CCDC7: variants seen among roughly 807,000 people sequenced by gnomAD.
CCDC7 encodes coiled-coil domain containing 7, also known as coiled-coil domain-containing protein 7.
A neutral mutation model predicts 196.9 loss-of-function variants in CCDC7; 183 were observed. That is an observed-to-expected ratio of 0.93 (90% CI 0.82 to 1.05). The LOEUF (loss-of-function observed/expected upper bound fraction) is 1.05, where lower values mean the gene tolerates loss of function less well. CCDC7 is among the 50% of genes least tolerant of loss of function. CCDC7 has a pLI of 0.00. For missense variants in CCDC7, 1,540 were observed against 1,482.2 expected, an observed-to-expected ratio of 1.04 and a Z score of -0.64; for synonymous variants, 525 against 484.6, an observed-to-expected ratio of 1.08 and a Z score of -1.10.
At chr10:32,633,212 C>T (rs1049529757) in intron 18 of CCDC7, among the ~76,000 whole-genome samples, 2 of 33,144 alleles carry the variant, frequency 6.0e-5, no homozygotes, top group Non-Finnish European at 1.2e-4. Flanking sequence ...CGCGCGTGCA[C>T]GCACACACAC....
intron 13 of CCDC7, among the ~76,000 whole-genome samples, chr10:32,545,634 G>A (rs575244649): frequency 6.6e-6 from 1 of 152,278 alleles, no homozygotes; most frequent in Non-Finnish European, 1.5e-5. Context: ...GGCAGGATGC[G>A]GTGGCTTACG....
intron 20 of CCDC7, among the ~76,000 whole-genome samples, chr10:32,646,396 C>T (rs1279798326): frequency 6.6e-6 from 1 of 151,828 alleles, no homozygotes; most frequent in Non-Finnish European, 1.5e-5. Flanking sequence ...AAATATACTT[C>T]ATATGATTTC....
chr10:32,552,460 GTTTA>G (rs767382861), intron 13 of CCDC7, among the ~76,000 whole-genome samples: 1 of 151,996 alleles, frequency 6.6e-6, no homozygotes, highest in Non-Finnish European at 1.5e-5. Context: ...TTGGGTTCTT[GTTTA>G]TTTGTTTTTT....
exon 20 of CCDC7, chr10:32,635,082 T>C (rs909756311): frequency 2.5e-6 from 1 of 398,800 alleles, no homozygotes; most frequent in South Asian, 1.3e-4. Flanking sequence ...CACAATTGCC[T>C]GAGGACATGG....
intron 16 of CCDC7, among the ~76,000 whole-genome samples, chr10:32,573,549 C>G (rs1238740206): frequency 1.3e-5 from 2 of 151,936 alleles, no homozygotes; most frequent in African/African-American, 2.4e-5. Flanking sequence ...GAGTTATTAC[C>G]CCTGGCAGCC....
rs531029994 is a variant in CCDC7 at position 32,746,670 on chromosome 10, T to C, written c.2905+17213T>C. Among the ~76,000 whole-genome samples, 16 of 152,316 alleles carry C rather than the reference T, an allele frequency of 1.1e-4. No individual in the cohort carries two copies. In the South Asian group the frequency reaches 1.2e-3, roughly 12 times the overall value. On this transcript the variant is annotated intron_variant, in intron 28 of 41. Transcript: ENST00000639629. Reference sequence around the variant, plus strand: ...CACAGTCTCCAATGCCCAATTGTGGTGCTTCCTGGTGGCCACTGCCATGGT... The same window carrying C: ...CACAGTCTCCAATGCCCAATTGTGGCGCTTCCTGGTGGCCACTGCCATGGT...
chr10:32,729,796 T>TTC (rs2083651357), intron 28 of CCDC7, among the ~76,000 whole-genome samples: 1 of 152,166 alleles, frequency 6.6e-6, no homozygotes, highest in African/African-American at 2.4e-5. Context: ...TATAAAAGGA[T>TTC]TCACTTCATC....
intron 21 of CCDC7, among the ~76,000 whole-genome samples, chr10:32,673,104 T>C (rs2140821739): frequency 6.6e-6 from 1 of 152,338 alleles, no homozygotes; most frequent in Middle Eastern, 3.4e-3. Flanking sequence ...AAGTTCACAA[T>C]ATGTGCATAG....
At chr10:32,656,643 A>T (rs563776327) in intron 20 of CCDC7, among the ~76,000 whole-genome samples, 1 of 152,160 alleles carries the variant, frequency 6.6e-6, no homozygotes, top group East Asian at 1.9e-4. Flanking sequence ...GGTCCCTCCC[A>T]TGTCATGTGG....
At chr10:32,559,799 G>C (rs1320854705) in intron 13 of CCDC7, among the ~76,000 whole-genome samples, 1 of 152,242 alleles carries the variant, frequency 6.6e-6, no homozygotes, top group Non-Finnish European at 1.5e-5. Context: ...TTCCTCACCA[G>C]CAATGGAAGA....
chr10:32,672,285 G>A (rs1229392283), intron 21 of CCDC7, among the ~76,000 whole-genome samples: 2 of 152,148 alleles, frequency 1.3e-5, no homozygotes, highest in African/African-American at 4.8e-5. Flanking sequence ...TGGAGTTGGG[G>A]CACAGTCCAG....
intron 11 of CCDC7, among the ~76,000 whole-genome samples, chr10:32,534,045 T>C (rs533832843): frequency 6.6e-6 from 1 of 152,196 alleles, no homozygotes; most frequent in Non-Finnish European, 1.5e-5. Flanking sequence ...TAGATTTGGT[T>C]CTTTAAAATA....
At chr10:32,545,081 T>G (rs2052189128) in intron 13 of CCDC7, among the ~76,000 whole-genome samples, 1 of 152,216 alleles carries the variant, frequency 6.6e-6, no homozygotes, top group South Asian at 2.1e-4. Flanking sequence ...TGGAATTTAA[T>G]GCAACGTTAT....
intron 8 of CCDC7, among the ~76,000 whole-genome samples, chr10:32,474,812 C>T (rs1024249000): frequency 1.3e-5 from 2 of 152,094 alleles, no homozygotes; most frequent in Non-Finnish European, 2.9e-5. Flanking sequence ...TGTCTTAGGG[C>T]TGGAGAGAAT....
intron 28 of CCDC7, among the ~76,000 whole-genome samples, chr10:32,770,435 CTTGGAATTGAT>C (rs2079002191): frequency 6.6e-6 from 1 of 152,076 alleles, no homozygotes; most frequent in South Asian, 2.1e-4. Context: ...AAGAATTCCT[CTTGGAATTGAT>C]TTCTAGTTTT....
intron 8 of CCDC7, among the ~76,000 whole-genome samples, chr10:32,483,448 C>T (rs1360281295): frequency 1.3e-5 from 2 of 152,142 alleles, no homozygotes; most frequent in Non-Finnish European, 2.9e-5. Flanking sequence ...TGTAGGTTGC[C>T]TGTTCACTCT....
chr10:32,832,941 G>A (rs1349117946), intron 32 of CCDC7, among the ~76,000 whole-genome samples: 3 of 151,970 alleles, frequency 2.0e-5, no homozygotes, highest in African/African-American at 4.8e-5. Flanking sequence ...GGAAATGGCT[G>A]GGAGCAATAG....
chr10:32,610,029 A>AGTGT (rs113353807), intron 18 of CCDC7, among the ~76,000 whole-genome samples: 7,358 of 146,360 alleles, frequency 0.05, 558 homozygotes, highest in African/African-American at 0.17. Context: ...TGTATGTATG[A>AGTGT]GTGTGTGTGT....
At chr10:32,848,600 G>C (rs1489295078) in exon 39 of CCDC7, 1 of 1,477,894 alleles carries the variant, frequency 6.8e-7, no homozygotes, top group African/African-American at 1.4e-5. Flanking sequence ...TTTTAGATGT[G>C]AACTTATTTA....
Sources: allele counts gnomAD v4.1 joint callset (sites outside exome capture counted in the v4.1 genomes callset), GRCh38; gene constraint gnomAD v4.1.1; transcripts MANE v1.5; gene names NCBI Gene and HGNC (gene_info 2026-07-23, HGNC 2026-07-21).